The following GRIA4 variants were observed in gnomAD, a reference collection of about 807,000 sequenced individuals.
GRIA4 encodes glutamate ionotropic receptor AMPA type subunit 4, also known as glutamate receptor 4.
In GRIA4, 34 loss-of-function variants were observed where a neutral mutation model predicts 104.0. The ratio of observed to expected loss-of-function variants is 0.33; its 90% CI spans 0.25 to 0.44. The LOEUF is 0.44. Among genes scored for constraint, GRIA4 ranks in the 20% least tolerant of loss-of-function variants. The pLI, the probability that GRIA4 is intolerant of heterozygous loss-of-function variation, is 1.00. For synonymous variants in GRIA4, 386 were observed against 381.9 expected, an observed-to-expected ratio of 1.01 and a Z score of -0.13; for missense variants, 750 against 1,096.5, an observed-to-expected ratio of 0.68 and a Z score of 4.46.
At chr11:105,843,888 G>A (rs575639509) in intron 4 of GRIA4, among the ~76,000 whole-genome samples, 164 of 152,246 alleles carry the variant, frequency 1.1e-3, no homozygotes, top group African/African-American at 3.7e-3. Context: ...TCCATTGGTC[G>A]CTTTTTTTCT....
At chr11:105,643,732 T>C (rs1266515519) in intron 3 of GRIA4, among the ~76,000 whole-genome samples, 1 of 152,144 alleles carries the variant, frequency 6.6e-6, no homozygotes, top group Admixed American at 6.6e-5. Flanking sequence ...TGTTTTTGCT[T>C]TTTTGAGACA....
chr11:105,939,175 T>C (rs1948124145), intron 14 of GRIA4, among the ~76,000 whole-genome samples: 2 of 152,200 alleles, frequency 1.3e-5, no homozygotes, highest in African/African-American at 4.8e-5. Context: ...CCTGAGTGGG[T>C]TCCAACTGAG....
At chr11:105,902,490 C>T (rs140711126) in intron 7 of GRIA4, among the ~76,000 whole-genome samples, 181 of 152,042 alleles carry the variant, frequency 1.2e-3, no homozygotes, top group East Asian at 1.2e-3. Flanking sequence ...CACACAACCA[C>T]GCCTGGCTAA....
intron 4 of GRIA4, among the ~76,000 whole-genome samples, chr11:105,840,720 A>G (rs1944361798): frequency 1.3e-5 from 2 of 152,214 alleles, no homozygotes; most frequent in South Asian, 4.1e-4. Flanking sequence ...TAAACTTAAA[A>G]TAGTACAAAC....
intron 4 of GRIA4, among the ~76,000 whole-genome samples, chr11:105,805,120 C>G (rs1031186590): frequency 2.0e-5 from 3 of 151,846 alleles, no homozygotes; most frequent in African/African-American, 4.8e-5. Flanking sequence ...TAAATTAACA[C>G]TTTGTTACAT....
At chr11:105,853,017 T>C (rs1234366340) in intron 4 of GRIA4, among the ~76,000 whole-genome samples, 1 of 150,322 alleles carries the variant, frequency 6.7e-6, no homozygotes, top group Non-Finnish European at 1.5e-5. Context: ...TAATATGTTG[T>C]GTAACACTTC....
chr11:105,910,352 C>T, intron 9 of GRIA4, 83 bp from the exon 10 acceptor site: 1 of 668,882 alleles, frequency 1.5e-6, no homozygotes, highest in Non-Finnish European at 2.7e-6. Flanking sequence ...GTTTGCTTAC[C>T]TATTCATACC....
At chr11:105,672,690 G>A (rs563225067) in intron 3 of GRIA4, among the ~76,000 whole-genome samples, 2 of 152,104 alleles carry the variant, frequency 1.3e-5, no homozygotes, top group Non-Finnish European at 1.5e-5. Flanking sequence ...GTTTATAATT[G>A]TGTCTTGCTG....
At chr11:105,748,464 C>T (rs1939798425) in intron 3 of GRIA4, among the ~76,000 whole-genome samples, 1 of 152,066 alleles carries the variant, frequency 6.6e-6, no homozygotes, top group African/African-American at 2.4e-5. Context: ...ACTGCAACCT[C>T]CACCTCTGGG....
intron 3 of GRIA4, among the ~76,000 whole-genome samples, chr11:105,691,239 C>T (rs940428617): frequency 2.0e-5 from 3 of 152,090 alleles, no homozygotes; most frequent in Admixed American, 1.3e-4. Flanking sequence ...TAGGTAACAA[C>T]AACCCAGTTA....
chr11:105,938,015 C>G (rs1329238111), intron 14 of GRIA4, among the ~76,000 whole-genome samples: 1 of 152,200 alleles, frequency 6.6e-6, no homozygotes, highest in Non-Finnish European at 1.5e-5. Context: ...AATACCACAT[C>G]TCTCATTGGA....
At chr11:105,894,748 G>C (rs1175916593) in intron 6 of GRIA4, among the ~76,000 whole-genome samples, 2 of 151,640 alleles carry the variant, frequency 1.3e-5, no homozygotes. Context: ...GCAACTCCAA[G>C]TCCTCATTAC....
intron 4 of GRIA4, among the ~76,000 whole-genome samples, chr11:105,829,430 C>T (rs1331525727): frequency 6.6e-6 from 1 of 151,996 alleles, no homozygotes; most frequent in Non-Finnish European, 1.5e-5. Context: ...CAGCGGATGG[C>T]TGTGGAATGA....
chr11:105,730,024 G>C (rs1938486801), intron 3 of GRIA4, among the ~76,000 whole-genome samples: 1 of 152,130 alleles, frequency 6.6e-6, no homozygotes, highest in South Asian at 2.1e-4. Flanking sequence ...TGGAAGTTCT[G>C]GCCAGGGCAA....
intron 4 of GRIA4, among the ~76,000 whole-genome samples, chr11:105,802,683 A>C (rs1942771383): frequency 6.6e-6 from 1 of 152,100 alleles, no homozygotes; most frequent in East Asian, 1.9e-4. Flanking sequence ...GTATTTCTTT[A>C]ATGTTTGGCA....
intron 3 of GRIA4, among the ~76,000 whole-genome samples, chr11:105,617,617 C>T (rs1158683095): frequency 6.6e-6 from 1 of 152,042 alleles, no homozygotes; most frequent in Non-Finnish European, 1.5e-5. Context: ...GCAACTTATT[C>T]ATGAATCATA....
chr11:105,904,520 C>A (rs1293767585), intron 8 of GRIA4, among the ~76,000 whole-genome samples: 1 of 152,138 alleles, frequency 6.6e-6, no homozygotes, highest in African/African-American at 2.4e-5. Flanking sequence ...TGGAACATAC[C>A]AGAACCAGAA....
At chr11:105,688,477 C>T (rs1952972679) in intron 3 of GRIA4, among the ~76,000 whole-genome samples, 2 of 152,056 alleles carry the variant, frequency 1.3e-5, no homozygotes, top group Admixed American at 6.5e-5. Context: ...AGGAGAATGG[C>T]GTGAACCTGG....
chr11:105,722,315 T>C (rs1035693455), intron 3 of GRIA4, among the ~76,000 whole-genome samples: 24 of 152,166 alleles, frequency 1.6e-4, no homozygotes, highest in Non-Finnish European at 2.5e-4. Context: ...TGTAGGCTCA[T>C]TGTAAGTTGA....
Sources: allele counts gnomAD v4.1 joint callset (sites outside exome capture counted in the v4.1 genomes callset), GRCh38; gene constraint gnomAD v4.1.1; transcripts MANE v1.5; gene names NCBI Gene and HGNC (gene_info 2026-07-23, HGNC 2026-07-21).